SLC22A23: variants seen among roughly 807,000 people sequenced by gnomAD.
SLC22A23 encodes the protein solute carrier family 22 member 23, also known as ion transporter protein.
Under a neutral mutation model 61.0 loss-of-function variants are expected in SLC22A23, and 26 were observed. The ratio of observed to expected loss-of-function variants is 0.43; its 90% confidence interval spans 0.31 to 0.59. The LOEUF is 0.59. Ranked by LOEUF, SLC22A23 falls within the 20% of genes least tolerant of loss-of-function variation. The pLI is 0.11. For missense variants in SLC22A23, 796 were observed against 934.7 expected, an observed-to-expected ratio of 0.85 and a Z score of 1.94; for synonymous variants, 430 against 413.9, an observed-to-expected ratio of 1.04 and a Z score of -0.47.
intron 3 of SLC22A23, among the ~76,000 whole-genome samples, chr6:3,402,002 A>T (rs2127499678): frequency 6.6e-6 from 1 of 152,336 alleles, no homozygotes; most frequent in South Asian, 2.1e-4. Flanking sequence ...ATTTGGAATC[A>T]GAGTAGAATG....
chr6:3,343,209 T>C (rs996161350), intron 3 of SLC22A23, among the ~76,000 whole-genome samples: 2 of 152,198 alleles, frequency 1.3e-5, no homozygotes, highest in African/African-American at 4.8e-5. Context: ...ACAGTCCTTA[T>C]GGCCAGTGGC....
At chr6:3,442,781 T>A (rs6926147) in intron 1 of SLC22A23, among the ~76,000 whole-genome samples, 1 of 151,654 alleles carries the variant, frequency 6.6e-6, no homozygotes, top group African/African-American at 2.4e-5. Flanking sequence ...TTGAATTAAA[T>A]TACATAAAGG....
chr6:3,358,562 G>T (rs562249077), intron 3 of SLC22A23, among the ~76,000 whole-genome samples: 2 of 152,258 alleles, frequency 1.3e-5, no homozygotes, highest in South Asian at 4.1e-4. Flanking sequence ...TGGTTGCCGG[G>T]GGTAGAGGGA....
Position 3,309,422 on chromosome 6 carries a change from G to A in SLC22A23, c.1083-11204C>T, listed in dbSNP as rs1225506600. ...ACACAGACTTGCTTCACAGAGGCGCGCCCAGGGTCTTCAGACAACTGAATC... is the reference window on the plus strand; with the variant it reads ...ACACAGACTTGCTTCACAGAGGCGCACCCAGGGTCTTCAGACAACTGAATC... On this transcript the variant is annotated intron_variant, in intron 4 of 9. Coordinates refer to ENST00000406686, the MANE Select transcript of SLC22A23 (RefSeq NM_015482.2). This position sits in a 1 kb window ranked among gnomAD's most constrained non-coding sequence, Gnocchi z 4.7. Among the ~76,000 whole-genome samples the A allele has an allele frequency of 8.5e-5, 13 of 152,316 alleles. No individual in the cohort carries two copies. Among genetic ancestry groups the A allele is most frequent in the Non-Finnish European group, 5.9e-5 (4 of 68,026 alleles).
chr6:3,283,797 C>G (rs764632151), intron 9 of SLC22A23, 55 bp downstream of exon 9: 1 of 1,608,110 alleles, frequency 6.2e-7, no homozygotes, highest in Non-Finnish European at 8.5e-7. Context: ...GAGCCAGGGA[C>G]TCGTCTTTGA....
rs1361601260 is a variant in SLC22A23 at position 3,375,764 on chromosome 6, C to G, written c.913+34424G>C. ...CTTGCTTTGGACACATATACTTGGT[C>G]ACTACTGGCAAAGACCAATTTCTGG... On this transcript the variant is annotated intron_variant, in intron 3 of 9. Transcript: ENST00000406686. 1.3e-5 allele frequency among the ~76,000 whole-genome samples: 2 copies of G among 152,212 alleles called. 1 individual carries two copies. Among genetic ancestry groups the G allele is most frequent in the South Asian group, 4.1e-4 (2 of 4,834 alleles).
In SLC22A23 at chr6:3,386,010, G is replaced by T. The variant is rs764384142; in HGVS notation, c.913+24178C>A. ...ACACCCAAGCCCCGCATTTGAGCAG[G>T]ACGCTGCCAGATGTGACACATCTCA... On this transcript the variant is annotated intron_variant, in intron 3 of 9. Coordinates refer to ENST00000406686, the MANE Select transcript of SLC22A23 (RefSeq NM_015482.2). This position sits in a 1 kb window ranked among gnomAD's most constrained non-coding sequence, Gnocchi z 4.4. Among the ~76,000 whole-genome samples the T allele has an allele frequency of 2.0e-5, 3 of 152,200 alleles. No homozygotes were observed. Among genetic ancestry groups the T allele is most frequent in the Non-Finnish European group, 2.9e-5 (2 of 68,046 alleles).
intron 1 of SLC22A23, among the ~76,000 whole-genome samples, chr6:3,446,655 C>G (rs141350271): frequency 6.6e-6 from 1 of 152,210 alleles, no homozygotes; most frequent in Non-Finnish European, 1.5e-5. Flanking sequence ...AGAACCCCTG[C>G]GCAGGCCAGC....
intron 3 of SLC22A23, among the ~76,000 whole-genome samples, chr6:3,394,070 G>A (rs571362120): frequency 7.9e-5 from 12 of 152,298 alleles, no homozygotes; most frequent in East Asian, 5.8e-4. Context: ...AATAAGATCC[G>A]GCAGTGACCC....
chr6:3,277,601 G>A (rs563276667), intron 9 of SLC22A23, among the ~76,000 whole-genome samples: 3 of 152,264 alleles, frequency 2.0e-5, no homozygotes, highest in Admixed American at 6.5e-5. Context: ...AGACACATTC[G>A]CATTGCGTGT....
intron 3 of SLC22A23, among the ~76,000 whole-genome samples, chr6:3,335,145 G>A (rs986045109): frequency 1.3e-5 from 2 of 152,222 alleles, no homozygotes; most frequent in Non-Finnish European, 2.9e-5. Context: ...GAAACAAAGG[G>A]TCAGATCAGG....
Position 3,386,426 on chromosome 6 carries a change from C to T in SLC22A23, c.913+23762G>A, listed in dbSNP as rs1386200383. 6.6e-6 allele frequency among the ~76,000 whole-genome samples: 1 copy of T among 152,202 alleles called. No homozygotes were observed. The highest frequency in any genetic ancestry group is 2.4e-5 in the African/African-American group (1 of 41,450). ...GCCCTGGGGTCCCTGGATGTGGCAC[C>T]AGGAGTTGGTGCTTCTCTTTCCTCC... On this transcript the variant is annotated intron_variant, in intron 3 of 9. Coordinates refer to ENST00000406686, the MANE Select transcript of SLC22A23 (RefSeq NM_015482.2). The surrounding 1 kb of genome is among the most constrained non-coding windows in gnomAD (Gnocchi z 4.4).
chr6:3,320,454 C>T (rs528911154), intron 4 of SLC22A23, among the ~76,000 whole-genome samples: 2 of 152,158 alleles, frequency 1.3e-5, no homozygotes, highest in Non-Finnish European at 2.9e-5. Context: ...GTCTGCTCCT[C>T]AGAGATACAG....
At chr6:3,377,626 G>A (rs1407126453) in intron 3 of SLC22A23, among the ~76,000 whole-genome samples, 4 of 151,872 alleles carry the variant, frequency 2.6e-5, no homozygotes, top group Admixed American at 1.3e-4. Context: ...AGTAAACTGT[G>A]CCCCTCCAAG....
At chr6:3,337,481 G>A (rs1291752884) in intron 3 of SLC22A23, among the ~76,000 whole-genome samples, 1 of 147,520 alleles carries the variant, frequency 6.8e-6, no homozygotes, top group East Asian at 2.0e-4. Context: ...GCCTTGTCCT[G>A]CCCCCAGTGT....
At chr6:3,312,999 A>C (rs1266992031) in intron 4 of SLC22A23, 2 of 152,142 alleles carry the variant, frequency 1.3e-5, no homozygotes, top group African/African-American at 4.8e-5. Context: ...TGAGGACAGG[A>C]AGGGCGAAGG....
At chr6:3,295,350 G>A (rs1760988596) in intron 5 of SLC22A23, among the ~76,000 whole-genome samples, 1 of 152,226 alleles carries the variant, frequency 6.6e-6, no homozygotes, top group South Asian at 2.1e-4. Flanking sequence ...AGGGACCTGT[G>A]GAGAGGGAGA....
intron 3 of SLC22A23, among the ~76,000 whole-genome samples, chr6:3,369,171 G>A (rs1451306057): frequency 6.6e-6 from 1 of 151,760 alleles, no homozygotes; most frequent in Non-Finnish European, 1.5e-5. Context: ...TGACATTCCT[G>A]GGCAGAAGGG....
intron 3 of SLC22A23, among the ~76,000 whole-genome samples, chr6:3,356,892 G>C (rs558125737): frequency 6.6e-6 from 1 of 152,086 alleles, no homozygotes; most frequent in East Asian, 1.9e-4. Flanking sequence ...TCAAAGGTCA[G>C]GTCACCGACA....
Sources: allele counts gnomAD v4.1 joint callset (sites outside exome capture counted in the v4.1 genomes callset), GRCh38; gene constraint gnomAD v4.1.1; non-coding constraint Gnocchi (gnomAD v3.1); transcripts MANE v1.5; gene names NCBI Gene and HGNC (gene_info 2026-07-23, HGNC 2026-07-21).